The following RBM47 variants were observed in gnomAD, a reference collection of about 807,000 sequenced individuals.
RBM47 encodes the protein RNA binding motif protein 47.
RBM47 carries 21 observed loss-of-function variants against 47.1 expected under a neutral mutation model. That is an observed-to-expected ratio of 0.45 (90% confidence interval 0.32 to 0.64). The LOEUF is 0.64. Among genes scored for constraint, RBM47 ranks in the 30% least tolerant of loss-of-function variants. The pLI is 0.05. For synonymous variants in RBM47, 375 were observed against 361.7 expected (o/e 1.04, Z -0.42); for missense variants, 708 against 870.9 (o/e 0.81, Z 2.35).
At chr4:40,433,407 G>A (rs1711680150) in intron 5 of RBM47, among the ~76,000 whole-genome samples, 1 of 152,220 alleles carries the variant, frequency 6.6e-6, no homozygotes, top group Non-Finnish European at 1.5e-5. Flanking sequence ...TGTTGTGGAA[G>A]AGACCCCTAG....
chr4:40,574,135 C>T (rs1732063641), intron 1 of RBM47, among the ~76,000 whole-genome samples: 1 of 152,198 alleles, frequency 6.6e-6, no homozygotes, highest in Non-Finnish European at 1.5e-5. Flanking sequence ...TTCCGTTCTG[C>T]AGCCTCTCTG....
chr4:40,496,329 A>ACACAC (rs1722561440), intron 2 of RBM47, among the ~76,000 whole-genome samples: 3 of 129,248 alleles, frequency 2.3e-5, no homozygotes, highest in African/African-American at 9.4e-5. Context: ...GGAGAACTTA[A>ACACAC]ACACACACAC....
intron 1 of RBM47, among the ~76,000 whole-genome samples, chr4:40,562,202 TGGGTAATCAGGCTG>T (rs1054962930): frequency 2.6e-5 from 4 of 151,810 alleles, no homozygotes; most frequent in African/African-American, 9.7e-5. Context: ...GCAGGAGGGG[TGGGTAATCAGGCTG>T]TAGGATTAAC....
intron 1 of RBM47, among the ~76,000 whole-genome samples, chr4:40,570,109 C>A (rs572745787): frequency 1.3e-5 from 2 of 152,104 alleles, no homozygotes; most frequent in South Asian, 2.1e-4. Flanking sequence ...GGTCCCCAAC[C>A]TTTTTGGCAC....
intron 3 of RBM47, among the ~76,000 whole-genome samples, chr4:40,448,850 A>G (rs1469108003): frequency 6.6e-6 from 1 of 152,198 alleles, no homozygotes; most frequent in Non-Finnish European, 1.5e-5. Context: ...AGTTCAGAAT[A>G]ACCTCATGGT....
chr4:40,541,876 C>T (rs539566099), intron 2 of RBM47, among the ~76,000 whole-genome samples: 3 of 152,296 alleles, frequency 2.0e-5, no homozygotes, highest in African/African-American at 7.2e-5. Flanking sequence ...CTATTTAAAG[C>T]ATTATTTTTT....
At chr4:40,544,363 T>G (rs1728822422) in intron 2 of RBM47, 59 bp downstream of exon 2, 1 of 152,194 alleles carries the variant, frequency 6.6e-6, no homozygotes, top group African/African-American at 2.4e-5. Context: ...TCACCCACTT[T>G]TCTCCCCCGC....
Position 40,440,434 on chromosome 4 carries a change from C to T in RBM47, c.-31-1510G>A, listed in dbSNP as rs76299978. 2.2e-3 allele frequency among the ~76,000 whole-genome samples: 333 copies of T among 151,972 alleles called. 8 individuals carry two copies. In the East Asian group the frequency reaches 0.055, roughly 25 times the overall value. On this transcript the variant is annotated intron_variant, in intron 3 of 6. Coordinates refer to ENST00000295971, the MANE Select transcript of RBM47 (RefSeq NM_001098634.2). ...AAGGTTTCATCAATTAATTAGAACC[C>T]GGAGTATCATTCATTTTTTAAAATT...
rs1226966310 is a variant in RBM47 at position 40,438,329 on chromosome 4, C to G, written c.565G>C (p.Asp189His). 1 of 1,608,902 alleles carries G rather than the reference C, an allele frequency of 6.2e-7. No individual in the cohort carries two copies. Among genetic ancestry groups the G allele is most frequent in the Non-Finnish European group, 8.5e-7 (1 of 1,179,906 alleles). ...LDVIVYASAA[D>H]KMKNRGFAFV... ...GCGAAGCCGCGGTTCTTCATCTTGT[C>G]GGCCGCGCTGGCGTAGACGATCACG... Residue 189 changes from aspartate to histidine, a missense_variant, in exon 4 of 7, where the codon GAC becomes CAC. Transcript: ENST00000295971.
chr4:40,426,232 A>G (rs1166041912), intron 6 of RBM47, 89 bp from the exon 7 acceptor site: 3 of 1,504,552 alleles, frequency 2.0e-6, no homozygotes, highest in Admixed American at 4.1e-5. Context: ...AGAAGACGGG[A>G]ATACAAAGAC....
At chr4:40,455,970 A>G (rs1716178808) in intron 3 of RBM47, among the ~76,000 whole-genome samples, 1 of 152,236 alleles carries the variant, frequency 6.6e-6, no homozygotes, top group South Asian at 2.1e-4. Flanking sequence ...TTCACTCCCA[A>G]ATGTTTATGG....
chr4:40,520,338 T>C (rs1726079161), intron 2 of RBM47, among the ~76,000 whole-genome samples: 1 of 152,188 alleles, frequency 6.6e-6, no homozygotes, highest in South Asian at 2.1e-4. Context: ...GAGTTTTTTC[T>C]CTATTGGTTT....
intron 1 of RBM47, among the ~76,000 whole-genome samples, chr4:40,560,017 G>A (rs1044736852): frequency 1.3e-5 from 2 of 152,104 alleles, no homozygotes; most frequent in Non-Finnish European, 2.9e-5. Context: ...CCATAACCAC[G>A]CGCTCACTTT....
intron 1 of RBM47, among the ~76,000 whole-genome samples, chr4:40,614,537 C>T (rs903252767): frequency 6.6e-6 from 1 of 152,000 alleles, no homozygotes; most frequent in Non-Finnish European, 1.5e-5. Flanking sequence ...CTTTGGGAAG[C>T]TTTACAAGAG....
At chr4:40,542,253 T>C (rs58858619) in intron 2 of RBM47, among the ~76,000 whole-genome samples, 2,404 of 152,298 alleles carry the variant, frequency 0.016, 66 homozygotes, top group African/African-American at 0.054. Context: ...TAAGTTTTCA[T>C]TTTACAAGAG....
chr4:40,426,276 G>T, intron 6 of RBM47, 133 bp from the exon 7 acceptor site: 1 of 1,165,482 alleles, frequency 8.6e-7, no homozygotes, highest in Non-Finnish European at 1.2e-6. Context: ...AGAGGGGCGG[G>T]CAAACAGCAA....
intron 6 of RBM47, among the ~76,000 whole-genome samples, chr4:40,429,406 G>A (rs1715543626): frequency 6.6e-6 from 1 of 152,074 alleles, no homozygotes; most frequent in South Asian, 2.1e-4. Context: ...TTCGTTCATA[G>A]TATATTATTA....
intron 5 of RBM47, among the ~76,000 whole-genome samples, chr4:40,436,215 T>C (rs1712379625): frequency 7.1e-6 from 1 of 140,422 alleles, no homozygotes; most frequent in Admixed American, 7.3e-5. Context: ...AAAAAAAACC[T>C]TACTCAGGCA....
chr4:40,505,801 A>T (rs1007897649), intron 2 of RBM47, among the ~76,000 whole-genome samples: 2 of 152,100 alleles, frequency 1.3e-5, no homozygotes, highest in Non-Finnish European at 2.9e-5. Context: ...CTGAGACACG[A>T]GAATCACTTG....
Sources: allele counts gnomAD v4.1 joint callset (sites outside exome capture counted in the v4.1 genomes callset), GRCh38; gene constraint gnomAD v4.1.1; transcripts MANE v1.5; gene names NCBI Gene and HGNC (gene_info 2026-07-23, HGNC 2026-07-21).